Variants in DCLRE1C observed in about 807,000 individuals in gnomAD.
DCLRE1C encodes DNA cross-link repair 1C, also known as protein artemis.
A neutral mutation model predicts 61.4 loss-of-function variants in DCLRE1C; 47 were observed. The ratio of observed to expected loss-of-function variants is 0.77; its 90% confidence interval spans 0.61 to 0.98. The LOEUF is 0.98. Among genes scored for constraint, DCLRE1C ranks in the 50% least tolerant of loss-of-function variants. DCLRE1C has a pLI of 0.00. For missense variants in DCLRE1C, 858 were observed against 816.0 expected (o/e 1.05, Z -0.63); for synonymous variants, 337 against 287.6 (o/e 1.17, Z -1.74).
At chr10:14,915,591 A>T (rs977390957) in intron 13 of DCLRE1C, among the ~76,000 whole-genome samples, 9 of 151,978 alleles carry the variant, frequency 5.9e-5, no homozygotes, top group South Asian at 2.1e-4. Flanking sequence ...ATAAAAAAAA[A>T]AATAACCTGA....
chr10:14,937,459 T>C (rs954778759), intron 4 of DCLRE1C, among the ~76,000 whole-genome samples: 2 of 151,960 alleles, frequency 1.3e-5, no homozygotes, highest in African/African-American at 4.8e-5. Flanking sequence ...ATTTTTTGTA[T>C]TTTTAGTAGA....
chr10:14,919,368 A>C (rs1181545997), intron 13 of DCLRE1C, among the ~76,000 whole-genome samples: 1 of 152,218 alleles, frequency 6.6e-6, no homozygotes, highest in Non-Finnish European at 1.5e-5. Context: ...AGCATTTACT[A>C]GTATCTTAAG....
At chr10:14,926,960 T>C in intron 10 of DCLRE1C, 63 bp from the exon 11 acceptor site, 1 of 1,419,242 alleles carries the variant, frequency 7.0e-7, no homozygotes, top group Non-Finnish European at 9.9e-7. Flanking sequence ...TAAGCAAAGC[T>C]GGCCCTTCTC....
At chr10:14,910,532 C>A (rs536225622) in intron 13 of DCLRE1C, among the ~76,000 whole-genome samples, 5 of 152,262 alleles carry the variant, frequency 3.3e-5, no homozygotes, top group African/African-American at 1.2e-4. Context: ...TGCACTCAGG[C>A]AATCCACCCC....
At chr10:14,938,575 T>C (rs1222372873) in intron 4 of DCLRE1C, among the ~76,000 whole-genome samples, 1 of 152,046 alleles carries the variant, frequency 6.6e-6, no homozygotes, top group African/African-American at 2.4e-5. Context: ...GGAAAATACC[T>C]ACCAGCTGTA....
chr10:14,922,942 C>G (rs1837355281), intron 12 of DCLRE1C, 39 bp downstream of exon 12: 1 of 1,442,152 alleles, frequency 6.9e-7, no homozygotes, highest in African/African-American at 1.4e-5. Context: ...CAAGAGCCAC[C>G]AAGGGGGACA....
At chr10:14,932,366 G>T (rs545384412) in intron 9 of DCLRE1C, among the ~76,000 whole-genome samples, 131 of 152,266 alleles carry the variant, frequency 8.6e-4, no homozygotes, top group Non-Finnish European at 1.5e-3. Context: ...GGTTGGGGGT[G>T]GTGGCTCACG....
chr10:14,910,328 T>G (rs1012899754), intron 13 of DCLRE1C, among the ~76,000 whole-genome samples: 3 of 152,254 alleles, frequency 2.0e-5, no homozygotes, highest in Admixed American at 6.5e-5. Flanking sequence ...CATCCTAGAC[T>G]GCAGAATGTA....
chr10:14,945,644 AAGTCTATTCT>A (rs1416399713), intron 2 of DCLRE1C: 1 of 720,750 alleles, frequency 1.4e-6, no homozygotes, highest in East Asian at 1.3e-4. Flanking sequence ...TTTACTGTAT[AAGTCTATTCT>A]TTTTTTTTTT....
rs1834270819 is a variant in DCLRE1C at position 14,904,959 on chromosome 10, T to C, written c.*3449A>G. 6.6e-6 allele frequency among the ~76,000 whole-genome samples: 1 copy of C among 152,246 alleles called. No homozygotes were observed. The highest frequency in any genetic ancestry group is 1.5e-5 in the Non-Finnish European group (1 of 68,042). On this transcript the variant is annotated 3_prime_UTR_variant, in exon 14 of 14. Coordinates refer to ENST00000378278, the MANE Select transcript of DCLRE1C (RefSeq NM_001033855.3). ...ATCTCAGGGTTTTTTCCCCCATATC[T>C]AAAATGTAGACAATAGTTGTTTCTC...
intron 4 of DCLRE1C, among the ~76,000 whole-genome samples, chr10:14,937,576 G>A (rs1354204507): frequency 1.3e-5 from 2 of 151,826 alleles, no homozygotes; most frequent in African/African-American, 4.8e-5. Context: ...GAGCCACCAA[G>A]CCCGGCCACT....
At chr10:14,926,539 A>T (rs1384234876) in intron 11 of DCLRE1C, among the ~76,000 whole-genome samples, 1 of 151,844 alleles carries the variant, frequency 6.6e-6, no homozygotes, top group African/African-American at 2.4e-5. Context: ...CTGTAGTCCC[A>T]GCTATTCGGG....
rs150854849 is a variant in DCLRE1C at position 14,934,704 on chromosome 10, C to T, written c.536G>A (p.Arg179Gln). Reference sequence around the variant, plus strand: ...CCCTGTTCCTCCAGGCAGACTTACCCGACTTGGAATTTGGTAAAATCTTGG... The same window carrying T: ...CCCTGTTCCTCCAGGCAGACTTACCTGACTTGGAATTTGGTAAAATCTTGG... ...CDPRFYQIPS[R>Q]EECLSGVLEL... is the part of the protein sequence containing the mutation. Residue 179 changes from arginine to glutamine, a missense_variant and splice_region_variant, in exon 7 of 14, where the codon CGG becomes CAG. Physicochemically the swap from Arg to Gln is conservative, Grantham distance 43. Transcript: ENST00000378278. The T allele has an allele frequency of 3.7e-5, 59 of 1,613,568 alleles. No homozygotes were observed. The highest frequency in any genetic ancestry group is 1.9e-4 in the African/African-American group (14 of 74,872).
rs758540828 is a variant in DCLRE1C at position 14,934,488 on chromosome 10, G to A, written c.570C>T (p.Val190=). ...ACGGGCTCCGAGTGATCCAGCTTCGGACCAGCTCTAAGACTCCACTTAAAC... is the reference window on the plus strand; with the variant it reads ...ACGGGCTCCGAGTGATCCAGCTTCGAACCAGCTCTAAGACTCCACTTAAAC... ...EECLSGVLEL[V]RSWITRSPYH... The change falls in exon 8 of 14, where the codon GTC becomes GTT. Residue 190 remains valine (V), a synonymous_variant. Transcript: ENST00000378278. 4 of 1,614,162 alleles carry A rather than the reference G, an allele frequency of 2.5e-6. No individual in the cohort carries two copies. Among genetic ancestry groups the A allele is most frequent in the South Asian group, 1.1e-5 (1 of 91,074 alleles).
chr10:14,923,422 GT>G (rs1837460052), intron 11 of DCLRE1C: 1 of 272,382 alleles, frequency 3.7e-6, no homozygotes, highest in Non-Finnish European at 7.2e-6. Flanking sequence ...AAGAAGGTCA[GT>G]TGCTTATGTT....
In DCLRE1C at chr10:14,905,869, C is replaced by G. The variant is rs972287099; in HGVS notation, c.*2539G>C. Among the ~76,000 whole-genome samples the G allele has an allele frequency of 2.6e-5, 4 of 152,156 alleles. No homozygotes were observed. The highest frequency in any genetic ancestry group is 4.4e-5 in the Non-Finnish European group (3 of 68,032). ...GTGTGGCACACACCTGTAATCCCAG[C>G]TACTTGGGAGGCTGAGGCAGGAAAA... is the stretch of plus-strand genomic sequence containing the variant. On this transcript the variant is annotated 3_prime_UTR_variant, in exon 14 of 14. Transcript: ENST00000378278.
intron 9 of DCLRE1C, among the ~76,000 whole-genome samples, chr10:14,930,508 C>A (rs1447481094): frequency 6.6e-6 from 1 of 152,012 alleles, no homozygotes; most frequent in Admixed American, 6.6e-5. Flanking sequence ...TCTTGGCTCA[C>A]TGCAACCTCC....
chr10:14,949,395 T>C (rs1842132534), intron 1 of DCLRE1C, among the ~76,000 whole-genome samples: 1 of 152,186 alleles, frequency 6.6e-6, no homozygotes. Flanking sequence ...AGCCCTCCAC[T>C]CTTACTTCAT....
chr10:14,909,269 T>C lies in DCLRE1C; in HGVS notation c.1218A>G (p.Pro406=), dbSNP rs1043126231. The part of the protein sequence containing the change: ...PLPIPLRHKV[P]YPETFHPEVF... ...CCTCAGGGTGAAAAGTTTCCGGGTA[T>C]GGAACTTTGTGCCTTAAAGGTATTG... is the stretch of plus-strand genomic sequence containing the variant. Residue 406 remains proline, a synonymous_variant, in exon 14 of 14, where the codon CCA becomes CCG. Transcript: ENST00000378278. The C allele has an allele frequency of 8.7e-6, 14 of 1,613,866 alleles. No homozygotes were observed. The African/African-American group carries it at 1.5e-4, about 17-fold the overall frequency.
Sources: allele counts gnomAD v4.1 joint callset (sites outside exome capture counted in the v4.1 genomes callset), GRCh38; gene constraint gnomAD v4.1.1; transcripts MANE v1.5; gene names NCBI Gene and HGNC (gene_info 2026-07-23, HGNC 2026-07-21).